Variants in ANLN observed in about 807,000 individuals in gnomAD.
ANLN encodes anillin, actin binding protein, also known as anillin.
Under a neutral mutation model 135.1 loss-of-function variants are expected in ANLN, and 59 were observed. That is an observed-to-expected ratio of 0.44 (90% CI 0.35 to 0.54). The LOEUF is 0.54. ANLN is among the 20% of genes least tolerant of loss of function. The pLI, the probability that ANLN is intolerant of heterozygous loss-of-function variation, is 0.00. For missense variants in ANLN, 1,182 were observed against 1,340.0 expected, an observed-to-expected ratio of 0.88 and a Z score of 1.84; for synonymous variants, 406 against 456.4, an observed-to-expected ratio of 0.89 and a Z score of 1.41.
At chr7:36,420,815 G>A in intron 12 of ANLN, 71 bp downstream of exon 12, 3 of 1,523,916 alleles carry the variant, frequency 2.0e-6, no homozygotes, top group Non-Finnish European at 2.7e-6. Flanking sequence ...GAGGACAAAG[G>A]GCCCAGCCTT....
rs754473459 is a variant in ANLN, at chr7:36,407,925, A to C, written c.1065A>C (p.Gln355His). ...KGELSREICL[Q>H]SQSKDKSTTP... ...AATTAAGTAGAGAAATTTGTCTGCA[A>C]TCTCAATCTAAAGACAAATCTACGA... The change falls in exon 5 of 24, where the codon CAA becomes CAC. Residue 355 changes from glutamine (Q) to histidine (H), a missense_variant. Transcript: ENST00000265748. 1 of 1,613,522 alleles carries C rather than the reference A, an allele frequency of 6.2e-7. No homozygotes were observed. The highest frequency in any genetic ancestry group is 1.3e-5 in the African/African-American group (1 of 74,920).
chr7:36,436,711 C>T (rs180727052), intron 20 of ANLN, among the ~76,000 whole-genome samples: 51 of 152,230 alleles, frequency 3.4e-4, no homozygotes, highest in African/African-American at 1.1e-3. Flanking sequence ...TCCCTAATGA[C>T]TGTTGATGTT....
chr7:36,449,554 TTTAAA>T, intron 22 of ANLN, 106 bp from the exon 23 acceptor site: 1 of 845,418 alleles, frequency 1.2e-6, no homozygotes, highest in East Asian at 2.8e-5. Context: ...AATTTTAACT[TTTAAA>T]TAATAGCTTT....
Position 36,410,559 on chromosome 7 carries a change from G to C in ANLN, c.1142G>C (p.Cys381Ser). Residue 381 changes from cysteine to serine, a missense_variant, in exon 6 of 24, where the codon TGT (cysteine) becomes TCT (serine). Transcript: ENST00000265748. The stretch of plus-strand genomic sequence containing the variant: ...TTCCTGGAACGCTTTGGAGAGCGTT[G>C]TCAAGAACATAGCAAAGAAAGTCCA... Reference protein sequence around the residue: ...KPFLERFGERCQEHSKESPAR... With the variant: ...KPFLERFGERSQEHSKESPAR... 1 of 1,613,862 alleles carries C rather than the reference G, an allele frequency of 6.2e-7. No individual in the cohort carries two copies. The highest frequency in any genetic ancestry group is 8.5e-7 in the Non-Finnish European group (1 of 1,179,930).
In ANLN at chr7:36,399,378, A is replaced by G. The variant is rs146231215; in HGVS notation, c.472A>G (p.Asn158Asp). The change falls in exon 3 of 24, where the codon AAT becomes GAT. Residue 158 changes from asparagine (N) to aspartate (D), a missense_variant. Asn to Asp is a conservative substitution (Grantham distance 23). Transcript: ENST00000265748. ...KLAEQRRRWD[N>D]DDMTDDIPES... The stretch of plus-strand genomic sequence containing the variant: ...TGCAGAGCAACGGCGCCGTTGGGAT[A>G]ATGATGATATGACAGGTATGAATTG... The G allele has an allele frequency of 3.9e-4, 627 of 1,610,042 alleles. No individual in the cohort carries two copies. The highest frequency in any genetic ancestry group is 5.1e-4 in the Non-Finnish European group (599 of 1,177,920).
At position 36,424,443 on chromosome 7, in the gene ANLN, G is replaced by A. The variant is rs562067718; in HGVS notation, c.2604-102G>A. The A allele has an allele frequency of 4.5e-5, 41 of 918,822 alleles. No individual in the cohort carries two copies. The African/African-American group carries it at 5.8e-4, about 13-fold the overall frequency. 56.9% of individuals were successfully genotyped at this position (918,822 alleles called of 1,614,324 possible). On this transcript the variant is annotated intron_variant, in intron 15 of 23. Transcript: ENST00000265748. ...TTTTATTGACTTTAAAGTCATAGTG[G>A]ATTCCTTTACTTAGAGTCTTGTAAG...
intron 22 of ANLN, among the ~76,000 whole-genome samples, chr7:36,447,445 G>A (rs1789054246): frequency 8.3e-6 from 1 of 120,690 alleles, no homozygotes; most frequent in Non-Finnish European, 1.7e-5. Context: ...TTTTTTCTGA[G>A]ACGGAGTCTC....
chr7:36,410,026 A>T (rs1318075811), intron 5 of ANLN, among the ~76,000 whole-genome samples: 1 of 152,112 alleles, frequency 6.6e-6, no homozygotes, highest in East Asian at 1.9e-4. Flanking sequence ...AAAATGAATA[A>T]TTCCTAATTT....
In ANLN at chr7:36,429,763, A is replaced by G. The variant is rs80292157; in HGVS notation, c.2883+2735A>G. Among the ~76,000 whole-genome samples the G allele has an allele frequency of 3.9e-3, 597 of 152,336 alleles. 18 individuals are homozygous for G. In the East Asian group the frequency reaches 0.055, roughly 14 times the overall value. On this transcript the variant is annotated intron_variant, in intron 20 of 23. Transcript: ENST00000265748. Reference sequence around the variant, plus strand: ...AATCTCTAAAATGAAAGAGATTTCAATGACATATCTTAAATATAGACTGTT... The same window carrying G: ...AATCTCTAAAATGAAAGAGATTTCAGTGACATATCTTAAATATAGACTGTT...
At position 36,399,412 on chromosome 7, in the gene ANLN, G is replaced by T; in HGVS notation, c.487+19G>T. ...ATGACAGGTATGAATTGTATAGATG[G>T]TATGGCCCATACATCTGTTCCAATA... On this transcript the variant is annotated intron_variant, in intron 3 of 23. Coordinates refer to ENST00000265748, the MANE Select transcript of ANLN (RefSeq NM_018685.5). 1 of 1,559,602 alleles carries T rather than the reference G, an allele frequency of 6.4e-7. No individual in the cohort carries two copies. The highest frequency in any genetic ancestry group is 8.7e-7 in the Non-Finnish European group (1 of 1,148,712).
intron 1 of ANLN, among the ~76,000 whole-genome samples, chr7:36,393,659 A>C (rs965511313): frequency 3.3e-5 from 5 of 152,196 alleles, no homozygotes; most frequent in Admixed American, 6.5e-5. Flanking sequence ...AAGGCATTCA[A>C]GTGAGCAGCC....
intron 3 of ANLN, among the ~76,000 whole-genome samples, chr7:36,402,503 C>T (rs532136995): frequency 5.9e-5 from 9 of 152,218 alleles, no homozygotes; most frequent in East Asian, 1.9e-4. Context: ...CACACCAGCG[C>T]GATTTTTCTA....
rs145689443 is a variant in ANLN at position 36,414,466 on chromosome 7, G to T, written c.1396-1292G>T. On this transcript the variant is annotated intron_variant, in intron 7 of 23. Transcript: ENST00000265748. ...AGGAAGGAGGAAAGTAGCATGTAGG[G>T]GTGATGGTAGTCTTAGAGTTAGGAT... Among the ~76,000 whole-genome samples, 5 of 152,206 alleles carry T rather than the reference G, an allele frequency of 3.3e-5. No individual in the cohort carries two copies. In the East Asian group the frequency reaches 9.7e-4, roughly 29 times the overall value.
At chr7:36,426,451 C>A (rs1164059937) in intron 19 of ANLN, among the ~76,000 whole-genome samples, 1 of 152,094 alleles carries the variant, frequency 6.6e-6, no homozygotes, top group Non-Finnish European at 1.5e-5. Context: ...CCAGGAAAGG[C>A]CTTCTTTAGA....
chr7:36,447,668 C>T (rs895170010), intron 22 of ANLN, among the ~76,000 whole-genome samples: 2 of 152,084 alleles, frequency 1.3e-5, no homozygotes, highest in Admixed American at 6.5e-5. Context: ...GATCCTATAA[C>T]TCAGAACGCT....
intron 15 of ANLN, 40 bp downstream of exon 15, chr7:36,423,983 C>T (rs1787982679): frequency 6.3e-7 from 1 of 1,591,656 alleles, no homozygotes; most frequent in African/African-American, 1.4e-5. Flanking sequence ...ATGCATTTTT[C>T]TTTTTGTAGA....
At chr7:36,390,367 G>T in intron 1 of ANLN, 1 of 403,404 alleles carries the variant, frequency 2.5e-6, no homozygotes, top group East Asian at 4.1e-5. Context: ...TGAGGCGCAG[G>T]CCTGCGGAAC....
intron 3 of ANLN, among the ~76,000 whole-genome samples, chr7:36,400,776 C>A (rs1210566897): frequency 6.6e-6 from 1 of 152,172 alleles, no homozygotes; most frequent in African/African-American, 2.4e-5. Context: ...TGGTTCTCAG[C>A]CTGGCTGATT....
intron 20 of ANLN, among the ~76,000 whole-genome samples, chr7:36,437,906 G>A (rs1788613213): frequency 6.6e-6 from 1 of 151,968 alleles, no homozygotes; most frequent in African/African-American, 2.4e-5. Flanking sequence ...GAGTAGCTGG[G>A]ATTACAGGCA....
Sources: gnomAD v4.1 joint callset for allele counts (sites outside exome capture counted in the v4.1 genomes callset) on GRCh38, gnomAD v4.1.1 for gene constraint, MANE v1.5 for transcripts, NCBI Gene and HGNC (gene_info 2026-07-23, HGNC 2026-07-21) for gene names.